KDM2B: variants seen among roughly 807,000 people sequenced by gnomAD.
The protein encoded by KDM2B is lysine-specific demethylase 2B.
A neutral mutation model predicts 150.0 loss-of-function variants in KDM2B; 26 were observed. That is an observed-to-expected ratio of 0.17 (90% CI 0.13 to 0.24). KDM2B has a LOEUF of 0.24. Among genes scored for constraint, KDM2B ranks in the 10% least tolerant of loss-of-function variants. The probability of loss-of-function intolerance (pLI) is 1.00; values close to 1 mark genes in which losing one functional copy is unlikely to be tolerated. For missense variants in KDM2B, 1,265 were observed against 1,816.9 expected (o/e 0.70, Z 5.52); for synonymous variants, 734 against 729.5 (o/e 1.01, Z -0.10).
chr12:121,507,736 C>T (rs1401587355), intron 11 of KDM2B, among the ~76,000 whole-genome samples: 3 of 152,152 alleles, frequency 2.0e-5, no homozygotes, highest in Non-Finnish European at 4.4e-5. Flanking sequence ...CTAGGCCAGG[C>T]ACAGTGGCTC....
At chr12:121,516,903 A>G (rs1555305112) in intron 9 of KDM2B, 3 of 666,712 alleles carry the variant, frequency 4.5e-6, no homozygotes, top group Non-Finnish European at 8.0e-6. Flanking sequence ...AAAAAAAAAA[A>G]GTCCAATGGT....
chr12:121,442,201 TTGG>T lies in KDM2B; in HGVS notation c.3237_3239del (p.His1079del). The T allele has an allele frequency of 6.2e-7, 1 of 1,613,496 alleles. No individual in the cohort carries two copies. ...AGACCCGCATGCACACACACAGGTC[TTGG>T]TGGCTGAGGTAGCTGAAGACGGCCA... On this transcript the variant is annotated inframe_deletion, in exon 19 of 23. Transcript: ENST00000377071. This position sits in a 1 kb window ranked among gnomAD's most constrained non-coding sequence, Gnocchi z 7.7.
At chr12:121,431,714 TCAAA>T (rs1314734321) in intron 22 of KDM2B, among the ~76,000 whole-genome samples, 1 of 152,072 alleles carries the variant, frequency 6.6e-6, no homozygotes, top group Non-Finnish European at 1.5e-5. Flanking sequence ...CACAGAATCT[TCAAA>T]CAGATGCTCA....
At chr12:121,458,776 G>A (rs1878677162) in intron 12 of KDM2B, among the ~76,000 whole-genome samples, 1 of 151,800 alleles carries the variant, frequency 6.6e-6, no homozygotes, top group East Asian at 1.9e-4. Flanking sequence ...ACTCCAGCCT[G>A]GGCAACAAGA....
chr12:121,575,459 T>C lies in KDM2B; in HGVS notation c.350+322A>G, dbSNP rs1009126026. Among the ~76,000 whole-genome samples the C allele has an allele frequency of 2.0e-5, 3 of 152,252 alleles. No individual in the cohort carries two copies. The highest frequency in any genetic ancestry group is 4.4e-5 in the Non-Finnish European group (3 of 68,048). On this transcript the variant is annotated intron_variant, in intron 3 of 22. Transcript: ENST00000377071. This position sits in a 1 kb window ranked among gnomAD's most constrained non-coding sequence, Gnocchi z 4.4. The stretch of plus-strand genomic sequence containing the variant: ...CAGCTCAGGCTCTGCCTCAGTCTCC[T>C]GATCTGGAGCAAGGGGAAGGAGGAG...
At chr12:121,410,939 T>C in the KDM2B span, among the ~76,000 whole-genome samples, 31 of 152,320 alleles carry the variant, frequency 2.0e-4, no homozygotes, top group African/African-American at 5.3e-4. Context: ...TGGGCTTTTT[T>C]GTTGTTTGTT....
At chr12:121,438,100 A>C (rs1241539809) in intron 22 of KDM2B, among the ~76,000 whole-genome samples, 1 of 151,882 alleles carries the variant, frequency 6.6e-6, no homozygotes, top group African/African-American at 2.4e-5. Context: ...CTAAAAATAC[A>C]AAACTTAGCC....
intron 4 of KDM2B, among the ~76,000 whole-genome samples, chr12:121,561,053 C>G (rs1431569129): frequency 6.6e-6 from 1 of 152,200 alleles, no homozygotes; most frequent in Non-Finnish European, 1.5e-5. Context: ...CGCCGCCCAC[C>G]CACCCCAGGA....
Position 121,543,002 on chromosome 12 carries a change from C to T in KDM2B, c.683+5875G>A, listed in dbSNP as rs181226229. On this transcript the variant is annotated intron_variant, in intron 6 of 22. Coordinates refer to ENST00000377071, the MANE Select transcript of KDM2B (RefSeq NM_032590.5). ...TTTGTCTCTGTGAAGGTGCAACTACCCCCACTCCACTCCTATTACTCCTAC... is the reference window on the plus strand; with the variant it reads ...TTTGTCTCTGTGAAGGTGCAACTACTCCCACTCCACTCCTATTACTCCTAC... 1.3e-4 allele frequency among the ~76,000 whole-genome samples: 20 copies of T among 152,272 alleles called. No individual in the cohort carries two copies. The East Asian group carries it at 3.9e-3, about 29-fold the overall frequency.
intron 11 of KDM2B, among the ~76,000 whole-genome samples, chr12:121,502,071 G>A (rs1555302087): frequency 6.6e-6 from 1 of 152,160 alleles, no homozygotes; most frequent in Admixed American, 6.6e-5. Flanking sequence ...GAAAAAAGCT[G>A]TGAACACCTT....
intron 22 of KDM2B, among the ~76,000 whole-genome samples, chr12:121,439,643 G>A (rs145914892): frequency 0.011 from 1,749 of 152,158 alleles, 37 homozygotes; most frequent in African/African-American, 0.04. Context: ...GCCTCCCAAC[G>A]TGCTGGGATT....
intron 4 of KDM2B, among the ~76,000 whole-genome samples, chr12:121,558,769 T>G (rs1890103941): frequency 6.6e-6 from 1 of 152,028 alleles, no homozygotes; most frequent in Non-Finnish European, 1.5e-5. Context: ...TTTTGTATTT[T>G]TAGTAGAGAT....
chr12:121,524,637 A>G, intron 8 of KDM2B: 1 of 440,182 alleles, frequency 2.3e-6, no homozygotes, highest in Non-Finnish European at 4.6e-6. Flanking sequence ...AGTAAGAAGG[A>G]GGTGTGGAAA....
rs528874825 is a variant in KDM2B, at chr12:121,483,893, C to T, written c.1734+10686G>A. Among the ~76,000 whole-genome samples the T allele has an allele frequency of 9.9e-5, 15 of 152,114 alleles. No individual in the cohort carries two copies. In the South Asian group the frequency reaches 2.7e-3, roughly 27 times the overall value. ...AGAGGTTTGATTGACAAAACGTAAA[C>T]AGGGCTAAGGGAAAACAGCCAGGCC... On this transcript the variant is annotated intron_variant, in intron 12 of 22. Coordinates refer to ENST00000377071, the MANE Select transcript of KDM2B (RefSeq NM_032590.5).
At position 121,430,888 on chromosome 12, in the gene KDM2B, C is replaced by CCTT. The variant is rs1244473746; in HGVS notation, c.3830-422_3830-420dup. Among the ~76,000 whole-genome samples the CCTT allele has an allele frequency of 6.6e-6, 1 of 152,178 alleles. No individual in the cohort carries two copies. Among genetic ancestry groups the CCTT allele is most frequent in the Non-Finnish European group, 1.5e-5 (1 of 68,032 alleles). ...TTACTGTGCATTTATTTGCCTCCTC[C>CCTT]CTTCAGATAAATTCCCAGAGGGGCA... On this transcript the variant is annotated intron_variant, in intron 22 of 22. Coordinates refer to ENST00000377071, the MANE Select transcript of KDM2B (RefSeq NM_032590.5). This position sits in a 1 kb window ranked among gnomAD's most constrained non-coding sequence, Gnocchi z 4.4.
chr12:121,444,539 G>A lies in KDM2B; in HGVS notation c.2104-3C>T. On this transcript the variant is annotated splice_region_variant and splice_polypyrimidine_tract_variant and intron_variant, in intron 14 of 22. Transcript: ENST00000377071. ...ACCACACCCTCTGACTCCTTAATCT[G>A]CGGGGAACACCAGGACTCAGAAGAG... The A allele has an allele frequency of 6.2e-7, 1 of 1,613,732 alleles. No individual in the cohort carries two copies.
At chr12:121,450,383 G>C (rs978450197) in intron 13 of KDM2B, among the ~76,000 whole-genome samples, 1 of 151,724 alleles carries the variant, frequency 6.6e-6, no homozygotes, top group Non-Finnish European at 1.5e-5. Flanking sequence ...TAAGGACTCA[G>C]ACATTTCTCC....
intron 12 of KDM2B, among the ~76,000 whole-genome samples, chr12:121,456,919 C>G (rs961703116): frequency 1.3e-4 from 20 of 152,164 alleles, no homozygotes; most frequent in African/African-American, 4.6e-4. Context: ...TAGCCGCTGC[C>G]AAATCAGGCC....
intron 11 of KDM2B, among the ~76,000 whole-genome samples, chr12:121,501,135 G>A (rs962035509): frequency 4.6e-5 from 7 of 152,064 alleles, no homozygotes; most frequent in African/African-American, 1.4e-4. Flanking sequence ...AAATAATCCT[G>A]AATTTAGGGT....
Sources: gnomAD v4.1 joint callset for allele counts (sites outside exome capture counted in the v4.1 genomes callset) on GRCh38, gnomAD v4.1.1 for gene constraint, Gnocchi (gnomAD v3.1) non-coding constraint, MANE v1.5 for transcripts, NCBI Gene and HGNC (gene_info 2026-07-23, HGNC 2026-07-21) for gene names.